The following RAD51 variants were observed in gnomAD, a reference collection of about 807,000 sequenced individuals.
RAD51 encodes RAD51 recombinase, also known as DNA repair protein RAD51 homolog 1.
A neutral mutation model predicts 41.5 loss-of-function variants in RAD51; 14 were observed. That is an observed-to-expected ratio of 0.34 (90% CI 0.22 to 0.53). RAD51 has a LOEUF of 0.53. RAD51 is among the 20% of genes least tolerant of loss of function. RAD51 has a pLI of 0.95. For synonymous variants in RAD51, 136 were observed against 148.6 expected, an observed-to-expected ratio of 0.92 and a Z score of 0.62; for missense variants, 234 against 422.0, an observed-to-expected ratio of 0.55 and a Z score of 3.90.
At chr15:40,702,816 C>CT (rs45541035) in intron 3 of RAD51, among the ~76,000 whole-genome samples, 16,873 of 140,730 alleles carry the variant, frequency 0.12, 1,192 homozygotes, top group African/African-American at 0.21. Context: ...CTGTGCCCAC[C>CT]TTTTTTTTTT....
At chr15:40,719,932 C>T (rs1374300696) in intron 6 of RAD51, among the ~76,000 whole-genome samples, 1 of 151,976 alleles carries the variant, frequency 6.6e-6, no homozygotes, top group Non-Finnish European at 1.5e-5. Flanking sequence ...ACACACACGC[C>T]TAACAACAAA....
At chr15:40,724,103 G>A (rs1332675560) in intron 6 of RAD51, among the ~76,000 whole-genome samples, 1 of 152,142 alleles carries the variant, frequency 6.6e-6, no homozygotes. Context: ...CCTATTGAAT[G>A]TATACCACTG....
In RAD51 at chr15:40,727,372, G is replaced by A. The variant is rs1018329441; in HGVS notation, c.531-1339G>A. Among the ~76,000 whole-genome samples, 8 of 151,974 alleles carry A rather than the reference G, an allele frequency of 5.3e-5. No homozygotes were observed. The East Asian group carries it at 7.7e-4, about 15-fold the overall frequency. On this transcript the variant is annotated intron_variant, in intron 6 of 9. Transcript: ENST00000267868. ...CACCCAGGATGGAGTGCAGTGGTGC[G>A]ATCTCGGCTCACTGCAACCTCTGCC...
At chr15:40,713,487 C>T (rs1419149454) in intron 5 of RAD51, among the ~76,000 whole-genome samples, 1 of 151,856 alleles carries the variant, frequency 6.6e-6, no homozygotes, top group East Asian at 1.9e-4. Flanking sequence ...AGGTGATCCA[C>T]CCGCCTCAGC....
At chr15:40,712,850 C>G (rs1340015313) in intron 5 of RAD51, among the ~76,000 whole-genome samples, 1 of 143,314 alleles carries the variant, frequency 7.0e-6, no homozygotes, top group East Asian at 2.0e-4. Flanking sequence ...GGACTCAACT[C>G]TGTTGAGTTT....
intron 1 of RAD51, among the ~76,000 whole-genome samples, chr15:40,697,547 A>G (rs974286212): frequency 2.0e-5 from 3 of 148,008 alleles, no homozygotes; most frequent in African/African-American, 5.0e-5. Context: ...ACGATTGTAC[A>G]TATTTATGAG....
intron 9 of RAD51, 75 bp downstream of exon 9, chr15:40,730,049 T>C: frequency 2.5e-6 from 4 of 1,569,586 alleles, no homozygotes; most frequent in Non-Finnish European, 3.5e-6. Flanking sequence ...TATAACATTT[T>C]CATTTAAGCC....
At chr15:40,695,932 TGGCGCGATCTC>T (rs977288228) in intron 1 of RAD51, 33 of 152,434 alleles carry the variant, frequency 2.2e-4, no homozygotes, top group African/African-American at 7.0e-4. Context: ...TGGAGTGTAG[TGGCGCGATCTC>T]GGCTCACTGC....
intron 6 of RAD51, among the ~76,000 whole-genome samples, chr15:40,725,437 A>T (rs542333073): frequency 6.6e-6 from 1 of 152,352 alleles, no homozygotes; most frequent in South Asian, 2.1e-4. Flanking sequence ...GAATGTCACA[A>T]GGCCTCCTTA....
chr15:40,719,165 C>T (rs1170746495), intron 6 of RAD51, among the ~76,000 whole-genome samples: 1 of 151,760 alleles, frequency 6.6e-6, no homozygotes, highest in Admixed American at 6.6e-5. Flanking sequence ...TCAAGCAACT[C>T]TCCCACCTCA....
At position 40,695,762 on chromosome 15, in the gene RAD51, A is replaced by G. The variant is rs1192458142; in HGVS notation, c.-3+337A>G. 3 of 152,206 alleles carry G rather than the reference A, an allele frequency of 2.0e-5. No homozygotes were observed. In the East Asian group the frequency reaches 5.8e-4, roughly 29 times the overall value. 9.4% of individuals were successfully genotyped at this position (152,206 alleles called of 1,614,324 possible). A position where few individuals can be genotyped will look rare whatever the true frequency, so the allele number is the denominator to read the frequency against. ...CGGATTCCTGATCTGTCTTTCCATT[A>G]CACCGTGCTTAGAAAGTACCAATCT... is the stretch of plus-strand genomic sequence containing the variant. On this transcript the variant is annotated intron_variant, in intron 1 of 9. Coordinates refer to ENST00000267868, the MANE Select transcript of RAD51 (RefSeq NM_002875.5).
At chr15:40,727,882 T>C (rs1896666869) in intron 6 of RAD51, among the ~76,000 whole-genome samples, 1 of 142,196 alleles carries the variant, frequency 7.0e-6, no homozygotes, top group African/African-American at 2.6e-5. Flanking sequence ...TTTTTTGAGA[T>C]GGAATCTCAC....
At chr15:40,700,944 T>TG in intron 2 of RAD51, 120 bp from the exon 3 acceptor site, 7 of 1,176,624 alleles carry the variant, frequency 5.9e-6, no homozygotes, top group East Asian at 3.1e-5. Flanking sequence ...CCCAAGGATT[T>TG]CAAGGGACAG....
At chr15:40,723,088 T>G (rs1310015806) in intron 6 of RAD51, among the ~76,000 whole-genome samples, 2 of 152,164 alleles carry the variant, frequency 1.3e-5, no homozygotes, top group Non-Finnish European at 2.9e-5. Context: ...AAATGGTTGA[T>G]GAGCACATAA....
intron 1 of RAD51, among the ~76,000 whole-genome samples, chr15:40,697,854 G>T (rs1239774188): frequency 1.1e-4 from 16 of 152,246 alleles, no homozygotes; most frequent in Admixed American, 9.1e-4. Context: ...CCTGGCCCAA[G>T]ATGATATTTC....
chr15:40,701,657 C>G (rs1221257388), intron 3 of RAD51: 4 of 228,112 alleles, frequency 1.8e-5, no homozygotes, highest in Non-Finnish European at 3.5e-5. Context: ...TCATATAGTT[C>G]TTTAACATAC....
chr15:40,710,739 A>G (rs1163626694), intron 5 of RAD51, among the ~76,000 whole-genome samples: 1 of 152,092 alleles, frequency 6.6e-6, no homozygotes, highest in South Asian at 2.1e-4. Context: ...TCAAATCTAC[A>G]TTTGTGCCCA....
Position 40,695,275 on chromosome 15 carries a change from C to G in RAD51, c.-153C>G, listed in dbSNP as rs931684088. 2.0e-5 allele frequency: 3 copies of G among 152,424 alleles called. No homozygotes were observed. The highest frequency in any genetic ancestry group is 7.2e-5 in the African/African-American group (3 of 41,456). 9.4% of individuals were successfully genotyped at this position (152,424 alleles called of 1,614,324 possible). Reference sequence around the variant, plus strand: ...CGTGCAGCTGGGAACTGCAACTCATCTGGGTTGTGCGCAGAAGGCTGGGGC... The same window carrying G: ...CGTGCAGCTGGGAACTGCAACTCATGTGGGTTGTGCGCAGAAGGCTGGGGC... On this transcript the variant is annotated 5_prime_UTR_variant, in exon 1 of 10. In the 5' UTR this introduces an upstream ATG that the reference lacks. Transcript: ENST00000267868.
chr15:40,715,815 T>C (rs1298478491), intron 5 of RAD51, among the ~76,000 whole-genome samples: 10 of 152,358 alleles, frequency 6.6e-5, no homozygotes, highest in Middle Eastern at 3.4e-3. Flanking sequence ...CACTTAATAT[T>C]ACCTGGAGGT....
Sources: allele counts gnomAD v4.1 joint callset (sites outside exome capture counted in the v4.1 genomes callset), GRCh38; gene constraint gnomAD v4.1.1; transcripts MANE v1.5; gene names NCBI Gene and HGNC (gene_info 2026-07-23, HGNC 2026-07-21).